SYTL4: variants seen among roughly 807,000 people sequenced by gnomAD.
The protein encoded by SYTL4 is synaptotagmin-like protein 4.
Under a neutral mutation model 52.7 loss-of-function variants are expected in SYTL4, and 16 were observed. The observed-to-expected ratio is 0.30, with a 90% CI of 0.21 to 0.46. SYTL4 has a LOEUF of 0.46. Among genes scored for constraint, SYTL4 ranks in the 20% least tolerant of loss-of-function variants. The probability of loss-of-function intolerance (pLI) is 1.00; values close to 1 mark genes in which losing one functional copy is unlikely to be tolerated. For synonymous variants in SYTL4, 160 were observed against 186.6 expected (o/e 0.86, Z 1.16); for missense variants, 423 against 519.9 (o/e 0.81, Z 1.81).
intron 16 of SYTL4, among the ~76,000 whole-genome samples, chrX:100,683,945 G>T (rs1031694528): frequency 5.4e-5 from 6 of 111,507 alleles, no homozygotes; most frequent in African/African-American, 2.0e-4. Flanking sequence ...GTTCATGATG[G>T]TTTACAGTGA....
intron 12 of SYTL4, among the ~76,000 whole-genome samples, chrX:100,689,147 CG>C (rs202100693): frequency 0.075 from 7,655 of 102,058 alleles, 611 homozygotes; most frequent in African/African-American, 0.23. Flanking sequence ...CAGAGGCGGG[CG>C]GATCACTTGA....
chrX:100,679,216 T>C, intron 18 of SYTL4, 97 bp downstream of exon 18: 1 of 704,852 alleles, frequency 1.4e-6, no homozygotes, highest in Non-Finnish European at 2.1e-6. Flanking sequence ...CCGGGAGTGG[T>C]AAGACACACT....
rs1368697434 is a variant in SYTL4 at position 100,689,969 on chromosome X, A to C, written c.809-10T>G. On this transcript the variant is annotated splice_polypyrimidine_tract_variant and intron_variant, in intron 11 of 19. Transcript: ENST00000372989. ...ACAGATTTAGTGTACTCTGAGGGGA[A>C]GACCAAAAAAGCCAAATCAAAGAGA... The C allele has an allele frequency of 8.6e-7, 1 of 1,168,661 alleles. No individual in the cohort carries two copies.
At position 100,702,008 on chromosome X, in the gene SYTL4, C is replaced by T; in HGVS notation, c.30G>A (p.Leu10=). The T allele has an allele frequency of 8.3e-7, 1 of 1,208,808 alleles. No individual in the cohort carries two copies. The highest frequency in any genetic ancestry group is 2.3e-4 in the Middle Eastern group (1 of 4,322). The change falls in exon 5 of 20, where the codon CTG becomes CTA. Residue 10 remains leucine, a synonymous_variant. Transcript: ENST00000372989. ...GAATCAAATCCTTTTCCTCCTCAGA[C>T]AGAAAAGAAAGGTCCAGTAACTCCG... MSELLDLSF[L]SEEEKDLILS...
chrX:100,679,320 C>T lies in SYTL4; in HGVS notation c.1651G>A (p.Val551Ile). 8.3e-7 allele frequency: 1 copy of T among 1,208,611 alleles called. No individual in the cohort carries two copies. The highest frequency in any genetic ancestry group is 1.8e-5 in the South Asian group (1 of 56,756). The change falls in exon 18 of 20, where the codon GTC becomes ATC. Residue 551 changes from valine to isoleucine, a missense_variant. Transcript: ENST00000372989. ...AKAGGTSDSF[V>I]KGYLLPMRNK... The stretch of plus-strand genomic sequence containing the variant: ...GCTGGTCTAGGGACTCACCCCTTGA[C>T]AAAGCTGTCTGAAGTCCCTCCTGCT...
chrX:100,728,872 C>T (rs2084579146), intron 2 of SYTL4, among the ~76,000 whole-genome samples: 1 of 110,338 alleles, frequency 9.1e-6, no homozygotes, highest in Non-Finnish European at 1.9e-5. Context: ...CCCGTCTCTA[C>T]TAAAAACACA....
chrX:100,722,022 G>C (rs1293528234), intron 2 of SYTL4, among the ~76,000 whole-genome samples: 1 of 109,787 alleles, frequency 9.1e-6, no homozygotes, highest in Non-Finnish European at 1.9e-5. Context: ...GACTGGTCTC[G>C]AGCTCCTAAC....
rs41310707 is a variant in SYTL4 at position 100,675,485 on chromosome X, A to G, written c.*543T>C. Reference sequence around the variant, plus strand: ...ACTAGAAAAGTTAAATTTAAAAGCCAAGTTCCAGAAGTTTATCCAGGTAGA... The same window carrying G: ...ACTAGAAAAGTTAAATTTAAAAGCCGAGTTCCAGAAGTTTATCCAGGTAGA... On this transcript the variant is annotated 3_prime_UTR_variant, in exon 20 of 20. Coordinates refer to ENST00000372989, the MANE Select transcript of SYTL4 (RefSeq NM_001370165.1). The G allele has an allele frequency of 9.1e-3, 1,023 of 112,207 alleles. 5 individuals are homozygous for G. The highest frequency in any genetic ancestry group is 0.016 in the Non-Finnish European group (849 of 53,239). The allele number at this position is 112,207 out of a possible 1,213,427, so 9.2% of individuals were successfully genotyped here.
At chrX:100,715,228 G>T (rs2798205) in intron 2 of SYTL4, among the ~76,000 whole-genome samples, 25,147 of 110,451 alleles carry the variant, frequency 0.23, 2,543 homozygotes, top group Non-Finnish European at 0.3. Flanking sequence ...TCACCATGTT[G>T]CCCAGGCTGG....
intron 3 of SYTL4, among the ~76,000 whole-genome samples, chrX:100,703,823 G>A (rs1344406292): frequency 1.8e-5 from 2 of 111,982 alleles, no homozygotes; most frequent in Non-Finnish European, 3.8e-5. Context: ...TGAAAAAGTA[G>A]TTGTAGGACA....
intron 16 of SYTL4, among the ~76,000 whole-genome samples, chrX:100,682,124 G>A (rs2083385626): frequency 9.0e-6 from 1 of 111,269 alleles, no homozygotes; most frequent in Non-Finnish European, 1.9e-5. Context: ...CACACAGTTA[G>A]TAATTGGCAG....
intron 2 of SYTL4, among the ~76,000 whole-genome samples, chrX:100,708,625 C>T (rs1340756166): frequency 8.9e-6 from 1 of 112,182 alleles, no homozygotes; most frequent in African/African-American, 3.2e-5. Flanking sequence ...AAATGAAAAG[C>T]TAGGCAAAAC....
rs775634445 is a variant in SYTL4 at position 100,681,167 on chromosome X, G to A, written c.1558+60C>T. ...CAGTGCTAACCAGTAGCCAGCACCG[G>A]CCTTGCACAGATCCTATGCAGAAGA... is the stretch of plus-strand genomic sequence containing the variant. On this transcript the variant is annotated intron_variant, in intron 17 of 19. Transcript: ENST00000372989. The A allele has an allele frequency of 3.0e-5, 30 of 1,005,488 alleles. No homozygotes were observed. The African/African-American group carries it at 3.4e-4, about 11-fold the overall frequency. The allele number at this position is 1,005,488 out of a possible 1,213,427, so 82.9% of individuals were successfully genotyped here.
chrX:100,693,557 G>T (rs993249501), intron 8 of SYTL4, among the ~76,000 whole-genome samples: 1 of 111,869 alleles, frequency 8.9e-6, no homozygotes, highest in Non-Finnish European at 1.9e-5. Context: ...CTCTTGGATG[G>T]TTGCAGTAGC....
At chrX:100,716,128 G>T (rs1302720878) in intron 2 of SYTL4, among the ~76,000 whole-genome samples, 1 of 108,542 alleles carries the variant, frequency 9.2e-6, no homozygotes, top group Admixed American at 1.0e-4. Context: ...ATGGGCGGGG[G>T]ACTAGTTATT....
At chrX:100,691,740 G>A (rs1254604172) in intron 8 of SYTL4, among the ~76,000 whole-genome samples, 1 of 111,336 alleles carries the variant, frequency 9.0e-6, no homozygotes, top group Non-Finnish European at 1.9e-5. Context: ...GGGTTTCAAT[G>A]TGTTAGCCAG....
chrX:100,703,979 A>T, intron 3 of SYTL4, among the ~76,000 whole-genome samples: 1 of 112,577 alleles, frequency 8.9e-6, no homozygotes, highest in East Asian at 2.8e-4. Flanking sequence ...ACATAGTTCT[A>T]ATTTGTTTTT....
chrX:100,694,180 G>A (rs920325666), intron 8 of SYTL4, among the ~76,000 whole-genome samples: 1 of 112,043 alleles, frequency 8.9e-6, no homozygotes. Flanking sequence ...TTTATGTTAT[G>A]TCAACTTTAC....
In SYTL4 at chrX:100,675,905, C is replaced by CAT. The variant is rs1463551286; in HGVS notation, c.*122_*123insAT. ...ACATGTTTGTACACATACACACACA[C>CAT]ACACACACACACACATACACACATA... On this transcript the variant is annotated 3_prime_UTR_variant, in exon 20 of 20. Coordinates refer to ENST00000372989, the MANE Select transcript of SYTL4 (RefSeq NM_001370165.1). The CAT allele has an allele frequency of 1.3e-5, 8 of 621,921 alleles. No homozygotes were observed. Among genetic ancestry groups the CAT allele is most frequent in the Non-Finnish European group, 1.9e-5 (8 of 422,146 alleles). 51.3% of individuals were successfully genotyped at this position (621,921 alleles called of 1,213,427 possible). A position where few individuals can be genotyped will look rare whatever the true frequency, so the allele number is the denominator to read the frequency against.
Sources: allele counts gnomAD v4.1 joint callset (sites outside exome capture counted in the v4.1 genomes callset), GRCh38; gene constraint gnomAD v4.1.1; transcripts MANE v1.5; gene names NCBI Gene and HGNC (gene_info 2026-07-23, HGNC 2026-07-21).